TDRD5: variants seen among roughly 807,000 people sequenced by gnomAD.
The protein encoded by TDRD5 is tudor domain containing 5, also known as tudor domain-containing protein 5.
TDRD5 carries 41 observed loss-of-function variants against 120.6 expected under a neutral mutation model. The observed-to-expected ratio is 0.34, with a 90% confidence interval of 0.26 to 0.44. The LOEUF (loss-of-function observed/expected upper bound fraction) is 0.44, where lower values mean the gene tolerates loss of function less well. TDRD5 is among the 20% of genes least tolerant of loss of function. TDRD5 has a pLI of 1.00. For missense variants in TDRD5, 1,006 were observed against 1,221.2 expected (o/e 0.82, Z 2.63); for synonymous variants, 430 against 433.7 (o/e 0.99, Z 0.11).
chr1:179,653,393 A>C (rs1308591272), intron 13 of TDRD5, among the ~76,000 whole-genome samples: 1 of 152,158 alleles, frequency 6.6e-6, no homozygotes, highest in Non-Finnish European at 1.5e-5. Context: ...CTGGGAGATT[A>C]CCTATTATGA....
chr1:179,592,530 C>T (rs1428880112), intron 1 of TDRD5, 72 bp from the exon 2 acceptor site: 32 of 1,197,672 alleles, frequency 2.7e-5, no homozygotes, highest in Non-Finnish European at 3.4e-5. Flanking sequence ...ATTTGTATCC[C>T]ACTATTGGTT....
At chr1:179,607,509 T>A (rs1676040378) in intron 4 of TDRD5, among the ~76,000 whole-genome samples, 1 of 152,100 alleles carries the variant, frequency 6.6e-6, no homozygotes, top group Admixed American at 6.5e-5. Context: ...GTTAAGTGTT[T>A]TTTTTAGGAT....
intron 7 of TDRD5, among the ~76,000 whole-genome samples, chr1:179,631,851 A>ATTTTTGTTT (rs1677465398): frequency 1.3e-5 from 1 of 74,370 alleles, no homozygotes. Context: ...AGGGCACTTG[A>ATTTTTGTTT]TTTTTTTTTT....
chr1:179,669,906 G>A (rs1479856619), intron 17 of TDRD5, among the ~76,000 whole-genome samples: 1 of 152,102 alleles, frequency 6.6e-6, no homozygotes, highest in East Asian at 1.9e-4. Context: ...CGTTTATGTT[G>A]TGCCAGTATC....
At chr1:179,634,990 A>T (rs1475165578) in intron 8 of TDRD5, among the ~76,000 whole-genome samples, 2 of 152,134 alleles carry the variant, frequency 1.3e-5, no homozygotes, top group Non-Finnish European at 2.9e-5. Flanking sequence ...ATCCTCAATT[A>T]TAGGGTGCTT....
At chr1:179,658,128 C>T (rs1290775411) in intron 14 of TDRD5, among the ~76,000 whole-genome samples, 3 of 152,124 alleles carry the variant, frequency 2.0e-5, no homozygotes, top group Non-Finnish European at 4.4e-5. Flanking sequence ...ATAATGTCCT[C>T]CTGGTTCATC....
chr1:179,642,743 A>G (rs1316857950), intron 11 of TDRD5, among the ~76,000 whole-genome samples: 1 of 152,174 alleles, frequency 6.6e-6, no homozygotes, highest in African/African-American at 2.4e-5. Context: ...TAAATGCTCA[A>G]TAACTAGGTT....
In TDRD5 at chr1:179,690,923, G is replaced by A. The variant is rs762117479; in HGVS notation, c.3088G>A (p.Val1030Met). ...SRSLLHWYPS[V>M]KRMEA is the part of the protein sequence containing the mutation. ...GAGCCTCCTACACTGGTACCCCAGT[G>A]TGAAAAGGATGGAAGCATGAGGGAG... Residue 1030 changes from valine (V) to methionine (M), a missense_variant, in exon 18 of 18, where the codon GTG (valine) becomes ATG (methionine). Coordinates refer to ENST00000444136, the MANE Select transcript of TDRD5 (RefSeq NM_001199085.3). 6.2e-7 allele frequency: 1 copy of A among 1,612,978 alleles called. No individual in the cohort carries two copies. Among genetic ancestry groups the A allele is most frequent in the South Asian group, 1.1e-5 (1 of 90,974 alleles).
intron 4 of TDRD5, among the ~76,000 whole-genome samples, chr1:179,613,952 A>G (rs1477763996): frequency 6.6e-6 from 1 of 152,236 alleles, no homozygotes; most frequent in East Asian, 1.9e-4. Context: ...CCATATGGCC[A>G]AAAGGTCTGA....
At chr1:179,630,060 A>C (rs910146688) in intron 6 of TDRD5, among the ~76,000 whole-genome samples, 1 of 151,606 alleles carries the variant, frequency 6.6e-6, no homozygotes, top group Non-Finnish European at 1.5e-5. Flanking sequence ...GCTCACTGCA[A>C]GCTCCACCTC....
intron 17 of TDRD5, among the ~76,000 whole-genome samples, chr1:179,673,500 G>T (rs897771783): frequency 1.3e-5 from 2 of 152,128 alleles, no homozygotes; most frequent in African/African-American, 4.8e-5. Context: ...GGTGGTCAGG[G>T]CACAGCTTGG....
At chr1:179,614,427 G>C (rs911429584) in intron 4 of TDRD5, among the ~76,000 whole-genome samples, 1 of 152,070 alleles carries the variant, frequency 6.6e-6, no homozygotes, top group Non-Finnish European at 1.5e-5. Flanking sequence ...TTCAGTTTTT[G>C]CTATTAAAAA....
chr1:179,672,143 GA>G (rs34129169), intron 17 of TDRD5, among the ~76,000 whole-genome samples: 24,091 of 152,048 alleles, frequency 0.16, 2,395 homozygotes, highest in East Asian at 0.28. Flanking sequence ...CTAGTAGTGG[GA>G]TTGCTGGATC....
In TDRD5 at chr1:179,594,627, C is replaced by T. The variant is rs552794279; in HGVS notation, c.640+760C>T. 7.2e-5 allele frequency among the ~76,000 whole-genome samples: 11 copies of T among 152,338 alleles called. No homozygotes were observed. In the East Asian group the frequency reaches 1.2e-3, roughly 16 times the overall value. The stretch of plus-strand genomic sequence containing the variant: ...GTACAGTTTACACACTGAGCATAGG[C>T]GGAGCCTACTTGGGAGAATTCTATG... On this transcript the variant is annotated intron_variant, in intron 3 of 17. Transcript: ENST00000444136.
intron 5 of TDRD5, among the ~76,000 whole-genome samples, chr1:179,619,190 GCCCTCTAAA>G: frequency 6.6e-6 from 1 of 152,248 alleles, no homozygotes; most frequent in Non-Finnish European, 1.5e-5. Flanking sequence ...TTACTAAATT[GCCCTCTAAA>G]ATGCTTGAAC....
intron 4 of TDRD5, among the ~76,000 whole-genome samples, chr1:179,610,254 G>A (rs1676211286): frequency 6.6e-6 from 1 of 152,094 alleles, no homozygotes; most frequent in African/African-American, 2.4e-5. Context: ...GTTCATTTAT[G>A]TTGCTTTCTT....
intron 17 of TDRD5, 55 bp from the exon 18 acceptor site, chr1:179,690,641 G>A: frequency 6.4e-7 from 1 of 1,571,338 alleles, no homozygotes; most frequent in Non-Finnish European, 8.6e-7. Flanking sequence ...GGGGAGAGGA[G>A]GCAGTGAGTA....
At chr1:179,665,171 A>G (rs981540795) in intron 16 of TDRD5, among the ~76,000 whole-genome samples, 15 of 152,102 alleles carry the variant, frequency 9.9e-5, no homozygotes, top group African/African-American at 3.6e-4. Flanking sequence ...CCCTTATGAG[A>G]TATATTATTT....
chr1:179,678,257 G>A (rs777726092), intron 17 of TDRD5, among the ~76,000 whole-genome samples: 9 of 152,174 alleles, frequency 5.9e-5, no homozygotes, highest in Non-Finnish European at 7.3e-5. Context: ...CACTCCCACC[G>A]TGGCTCCCTC....
Sources: allele counts gnomAD v4.1 joint callset (sites outside exome capture counted in the v4.1 genomes callset), GRCh38; gene constraint gnomAD v4.1.1; transcripts MANE v1.5; gene names NCBI Gene and HGNC (gene_info 2026-07-23, HGNC 2026-07-21).